Variants in DAB1 observed in about 807,000 individuals in gnomAD.
DAB1 encodes disabled homolog 1.
A neutral mutation model predicts 64.6 loss-of-function variants in DAB1; 15 were observed. The observed-to-expected ratio is 0.23, with a 90% confidence interval of 0.16 to 0.36. The LOEUF (loss-of-function observed/expected upper bound fraction) is 0.36, where lower values mean the gene tolerates loss of function less well. DAB1 is among the 10% of genes least tolerant of loss of function. DAB1 has a pLI of 1.00. For missense variants in DAB1, 596 were observed against 706.7 expected (o/e 0.84, Z 1.78); for synonymous variants, 235 against 251.9 (o/e 0.93, Z 0.64).
intron 7 of DAB1, among the ~76,000 whole-genome samples, chr1:57,496,704 A>G (rs1309756632): frequency 6.6e-6 from 1 of 152,224 alleles, no homozygotes; most frequent in African/African-American, 2.4e-5. Flanking sequence ...AGATCTCGAA[A>G]GAACATTAGA....
chr1:58,187,295 CAA>C (rs535043834), intron 4 of DAB1, among the ~76,000 whole-genome samples: 10 of 94,810 alleles, frequency 1.1e-4, no homozygotes, highest in Middle Eastern at 5.9e-3. Flanking sequence ...CTTAACTCTA[CAA>C]AAAAAAAAAA....
Position 57,951,334 on chromosome 1 carries a change from T to TATATATATATATATATATC in DAB1, n.388-67173_388-67172insGATATATATATATATATAT, listed in dbSNP as rs1219655257. On this transcript the variant is annotated intron_variant and non_coding_transcript_variant, in intron 5 of 20. Transcript: ENST00000485760. ...GCCTGATTCATATATATATATATAC[T>TATATATATATATATATATC]TCCCTGGAAACTTAAATTAGCCCAA... Among the ~76,000 whole-genome samples the TATATATATATATATATATC allele has an allele frequency of 3.3e-3, 211 of 63,844 alleles. 28 individuals carry two copies. Among genetic ancestry groups the TATATATATATATATATATC allele is most frequent in the African/African-American group, 6.5e-3 (114 of 17,648 alleles). 41.9% of individuals were successfully genotyped at this position (63,844 alleles called of 152,430 possible). A position where few individuals can be genotyped will look rare whatever the true frequency, so the allele number is the denominator to read the frequency against.
intron 4 of DAB1, among the ~76,000 whole-genome samples, chr1:58,264,141 A>G (rs1383742830): frequency 2.0e-5 from 3 of 152,224 alleles, no homozygotes; most frequent in Admixed American, 6.5e-5. Context: ...GTAGCCATCA[A>G]ACCTTTTTAT....
intron 11 of DAB1, among the ~76,000 whole-genome samples, chr1:57,017,886 C>A (rs1218539590): frequency 6.6e-6 from 1 of 152,050 alleles, no homozygotes; most frequent in Non-Finnish European, 1.5e-5. Flanking sequence ...TGATATGGCC[C>A]AGTGGTTCTC....
chr1:57,415,932 A>G (rs1338283161), intron 1 of DAB1, among the ~76,000 whole-genome samples: 2 of 152,190 alleles, frequency 1.3e-5, no homozygotes, highest in Non-Finnish European at 2.9e-5. Flanking sequence ...CTGCTACTAC[A>G]AAAACTACCA....
intron 14 of DAB1, among the ~76,000 whole-genome samples, chr1:57,007,230 C>A (rs1004817070): frequency 6.6e-6 from 1 of 152,214 alleles, no homozygotes; most frequent in Non-Finnish European, 1.5e-5. Flanking sequence ...GGGAGGCAGA[C>A]CAAACAATTC....
At chr1:58,410,152 A>C (rs913518373) in intron 3 of DAB1, among the ~76,000 whole-genome samples, 5 of 152,148 alleles carry the variant, frequency 3.3e-5, no homozygotes, top group African/African-American at 9.7e-5. Context: ...CCTCCACTTC[A>C]TCAGCATGCT....
intron 1 of DAB1, among the ~76,000 whole-genome samples, chr1:57,870,192 T>C (rs1189257850): frequency 6.6e-6 from 1 of 152,134 alleles, no homozygotes; most frequent in Non-Finnish European, 1.5e-5. Flanking sequence ...ACAGGAGGCA[T>C]ACATTAAATA....
chr1:58,049,667 TG>T (rs1647501326), intron 5 of DAB1, among the ~76,000 whole-genome samples: 1 of 152,212 alleles, frequency 6.6e-6, no homozygotes, highest in Admixed American at 6.5e-5. Context: ...TATATGACCT[TG>T]AGTTTGAAAT....
chr1:57,761,006 C>T (rs1332714123), intron 6 of DAB1, among the ~76,000 whole-genome samples: 1 of 152,150 alleles, frequency 6.6e-6, no homozygotes, highest in Admixed American at 6.5e-5. Context: ...GGATATAGAA[C>T]CATGATTATT....
intron 1 of DAB1, among the ~76,000 whole-genome samples, chr1:57,342,632 A>C (rs1339176405): frequency 2.0e-5 from 3 of 152,218 alleles, no homozygotes; most frequent in Non-Finnish European, 2.9e-5. Context: ...TCAAGAATGA[A>C]GACGCGGACC....
At chr1:58,027,925 C>T (rs1401417054) in intron 5 of DAB1, among the ~76,000 whole-genome samples, 1 of 152,110 alleles carries the variant, frequency 6.6e-6, no homozygotes, top group African/African-American at 2.4e-5. Flanking sequence ...CTAGATATAG[C>T]CTGCATGCTT....
chr1:57,056,281 T>C (rs1278381613), intron 9 of DAB1, among the ~76,000 whole-genome samples: 1 of 150,624 alleles, frequency 6.6e-6, no homozygotes, highest in African/African-American at 2.4e-5. Context: ...GGAGGATTGC[T>C]TCGGGCCAGG....
chr1:57,875,381 T>C (rs771657099), intron 1 of DAB1, among the ~76,000 whole-genome samples: 4 of 152,174 alleles, frequency 2.6e-5, no homozygotes, highest in Non-Finnish European at 5.9e-5. Context: ...TTAATCAATT[T>C]CTACCTTGCT....
chr1:57,580,555 G>T (rs2101550209), intron 7 of DAB1, among the ~76,000 whole-genome samples: 1 of 152,140 alleles, frequency 6.6e-6, no homozygotes, highest in Non-Finnish European at 1.5e-5. Context: ...TTTGCCAGCA[G>T]GTCTTTATTT....
chr1:57,362,442 A>G (rs571347868), intron 1 of DAB1, among the ~76,000 whole-genome samples: 2 of 152,266 alleles, frequency 1.3e-5, no homozygotes, highest in South Asian at 4.2e-4. Flanking sequence ...AATTTCTTTC[A>G]TGTTTAACTA....
chr1:58,008,608 A>G (rs11207152), intron 5 of DAB1, among the ~76,000 whole-genome samples: 65,279 of 151,996 alleles, frequency 0.43, 14,336 homozygotes, highest in East Asian at 0.64. Context: ...AAAGCTAGAT[A>G]AAAACAAGGT....
At chr1:58,509,365 G>T (rs941006695) in intron 2 of DAB1, among the ~76,000 whole-genome samples, 1 of 151,438 alleles carries the variant, frequency 6.6e-6, no homozygotes, top group Admixed American at 6.6e-5. Context: ...CAGAAATTCT[G>T]AAGCACACTC....
At chr1:58,401,798 T>A (rs978561810) in intron 3 of DAB1, among the ~76,000 whole-genome samples, 7 of 152,260 alleles carry the variant, frequency 4.6e-5, no homozygotes, top group African/African-American at 1.7e-4. Context: ...AAGTTAGATG[T>A]TAGTTGTAAC....
Sources: gnomAD v4.1 joint callset for allele counts (sites outside exome capture counted in the v4.1 genomes callset) on GRCh38, gnomAD v4.1.1 for gene constraint, MANE v1.5 for transcripts, NCBI Gene and HGNC (gene_info 2026-07-23, HGNC 2026-07-21) for gene names.